Variants in ZNF410 observed in about 807,000 individuals in gnomAD.
ZNF410 encodes the protein another partner for ARF 1.
A neutral mutation model predicts 54.8 loss-of-function variants in ZNF410; 18 were observed. The observed-to-expected ratio is 0.33, with a 90% confidence interval of 0.23 to 0.49. The LOEUF (loss-of-function observed/expected upper bound fraction) is 0.49, where lower values mean the gene tolerates loss of function less well. ZNF410 is among the 20% of genes least tolerant of loss of function. ZNF410 has a pLI of 0.99. For synonymous variants in ZNF410, 191 were observed against 207.3 expected (o/e 0.92, Z 0.68); for missense variants, 405 against 569.6 (o/e 0.71, Z 2.94).
intron 11 of ZNF410, 82 bp from the exon 12 acceptor site, chr14:73,931,421 A>G: frequency 1.6e-6 from 2 of 1,268,978 alleles, no homozygotes; most frequent in Non-Finnish European, 2.2e-6. Flanking sequence ...TCCATCCTCC[A>G]CTCTTAATAC....
At chr14:73,888,862 A>AT (rs2055182286) in intron 1 of ZNF410, among the ~76,000 whole-genome samples, 1 of 152,166 alleles carries the variant, frequency 6.6e-6, no homozygotes, top group Admixed American at 6.5e-5. Context: ...GCATCCTGCT[A>AT]TTTTTTATTT....
In ZNF410 at chr14:73,892,279, G is replaced by T. The variant is rs536842890; in HGVS notation, c.33+71G>T. 5.9e-6 allele frequency: 9 copies of T among 1,523,066 alleles called. No homozygotes were observed. The Admixed American group carries it at 6.3e-5, about 11-fold the overall frequency. The allele number at this position is 1,523,066 out of a possible 1,614,324, so 94.3% of individuals were successfully genotyped here. ...TCAAAGTTTATCTTCAGTTTAGGGGGTCAGCAAACTTTTTCTTTAATGGGC... is the reference window on the plus strand; with the variant it reads ...TCAAAGTTTATCTTCAGTTTAGGGGTTCAGCAAACTTTTTCTTTAATGGGC... On this transcript the variant is annotated intron_variant, in intron 2 of 11. Transcript: ENST00000555044.
rs933156803 is a variant in ZNF410 at position 73,926,714 on chromosome 14, C to T, written c.1398+3192C>T. 1.9e-4 allele frequency among the ~76,000 whole-genome samples: 29 copies of T among 150,120 alleles called. 1 individual carries two copies. The highest frequency in any genetic ancestry group is 1.1e-3 in the Admixed American group (17 of 14,794). ...CCTCCCAAAGTGCTGGGATTACAGGCGTGAGCCACTGCGCCCGGCCAGGAA... is the reference window on the plus strand; with the variant it reads ...CCTCCCAAAGTGCTGGGATTACAGGTGTGAGCCACTGCGCCCGGCCAGGAA... On this transcript the variant is annotated intron_variant, in intron 11 of 11. Transcript: ENST00000555044.
chr14:73,899,709 C>T (rs867074468), intron 5 of ZNF410, among the ~76,000 whole-genome samples: 7 of 152,152 alleles, frequency 4.6e-5, no homozygotes, highest in Middle Eastern at 3.2e-3. Flanking sequence ...AGTTTAACCT[C>T]CCTTAGCTTC....
chr14:73,917,541 G>A (rs183595132), intron 8 of ZNF410, among the ~76,000 whole-genome samples: 1 of 152,088 alleles, frequency 6.6e-6, no homozygotes, highest in Non-Finnish European at 1.5e-5. Flanking sequence ...TGTGCAGTCC[G>A]GCCGGGCATG....
At position 73,896,453 on chromosome 14, in the gene ZNF410, A is replaced by G. The variant is rs752472569; in HGVS notation, c.307A>G (p.Thr103Ala). Residue 103 changes from threonine (T) to alanine (A), a missense_variant, in exon 4 of 12, where the codon ACT (threonine) becomes GCT (alanine). Physicochemically the swap from Thr to Ala is moderately conservative, Grantham distance 58 (BLOSUM62 0). Coordinates refer to ENST00000555044, the MANE Select transcript of ZNF410 (RefSeq NM_021188.3). ...TVQKSPEFLSTSESSSLLQDL... is the reference protein window; with the variant it reads ...TVQKSPEFLSASESSSLLQDL... ...ACAGAAATCCCCGGAGTTTTTGTCC[A>G]CTTCAGAGTCTTCTAGCTTGTTGCA... 1.6e-5 allele frequency: 26 copies of G among 1,614,046 alleles called. No homozygotes were observed. The highest frequency in any genetic ancestry group is 9.9e-5 in the South Asian group (9 of 91,086).
At chr14:73,906,914 A>G (rs2055499016) in intron 7 of ZNF410, among the ~76,000 whole-genome samples, 1 of 151,730 alleles carries the variant, frequency 6.6e-6, no homozygotes, top group Non-Finnish European at 1.5e-5. Flanking sequence ...TCTTTTACTC[A>G]GTGTACTCTC....
chr14:73,891,390 G>C (rs148495437), intron 1 of ZNF410, among the ~76,000 whole-genome samples: 2 of 152,234 alleles, frequency 1.3e-5, no homozygotes, highest in African/African-American at 4.8e-5. Context: ...GTCTTGCTCT[G>C]TCGCCCAGGC....
intron 11 of ZNF410, among the ~76,000 whole-genome samples, chr14:73,924,505 G>A (rs1424150048): frequency 6.6e-6 from 1 of 152,192 alleles, no homozygotes; most frequent in Non-Finnish European, 1.5e-5. Flanking sequence ...AGAATGCAAA[G>A]TGGTCAGTGT....
At chr14:73,925,689 A>G (rs1434463857) in intron 11 of ZNF410, among the ~76,000 whole-genome samples, 1 of 152,060 alleles carries the variant, frequency 6.6e-6, no homozygotes, top group East Asian at 1.9e-4. Flanking sequence ...CAGCCTCCCA[A>G]AGTGCTGGGA....
Position 73,904,025 on chromosome 14 carries a change from G to A in ZNF410, c.646G>A (p.Glu216Lys). Residue 216 changes from glutamate to lysine, a missense_variant, in exon 6 of 12, where the codon GAA (glutamate) becomes AAA (lysine). Glu to Lys is a moderately conservative substitution (Grantham distance 56). This residue lies in a region of ZNF410 where 247 missense variants were observed against 342.8 expected (regional missense o/e 0.72). Coordinates refer to ENST00000555044, the MANE Select transcript of ZNF410 (RefSeq NM_021188.3). Reference protein sequence around the residue: ...SKDSGPLPQVEKKLKCTVEGC... With the variant: ...SKDSGPLPQVKKKLKCTVEGC... ...AGATTCTGGGCCCCTTCCTCAAGTG[G>A]AAAAGAAGCTCAAGTGTACAGTTGA... The A allele has an allele frequency of 6.2e-7, 1 of 1,614,174 alleles. No homozygotes were observed. Among genetic ancestry groups the A allele is most frequent in the Non-Finnish European group, 8.5e-7 (1 of 1,180,044 alleles).
Position 73,931,609 on chromosome 14 carries a change from G to A in ZNF410, c.*68G>A. On this transcript the variant is annotated 3_prime_UTR_variant, in exon 12 of 12. Transcript: ENST00000555044. ...AAAATGCGTATACTGGGAACAGGATGCCTTAGCCCACAACAGAACCAGAAT... is the reference window on the plus strand; with the variant it reads ...AAAATGCGTATACTGGGAACAGGATACCTTAGCCCACAACAGAACCAGAAT... 2 of 1,441,248 alleles carry A rather than the reference G, an allele frequency of 1.4e-6. 1 individual carries two copies. The highest frequency in any genetic ancestry group is 2.3e-5 in the South Asian group (2 of 85,904). The allele number at this position is 1,441,248 out of a possible 1,614,324, so 89.3% of individuals were successfully genotyped here.
chr14:73,919,027 T>G (rs1328610108), intron 8 of ZNF410, among the ~76,000 whole-genome samples: 5 of 100,554 alleles, frequency 5.0e-5, no homozygotes, highest in Non-Finnish European at 9.3e-5. Context: ...TTTTTTTTTT[T>G]GACAGAGTCT....
chr14:73,898,962 G>A (rs1166108359), intron 5 of ZNF410, among the ~76,000 whole-genome samples: 7 of 152,148 alleles, frequency 4.6e-5, no homozygotes, highest in Non-Finnish European at 8.8e-5. Context: ...TGAGAACCAC[G>A]GCTCTATTCA....
At chr14:73,917,944 G>A (rs2055692905) in intron 8 of ZNF410, among the ~76,000 whole-genome samples, 1 of 152,108 alleles carries the variant, frequency 6.6e-6, no homozygotes, top group Non-Finnish European at 1.5e-5. Flanking sequence ...AAATACTCAA[G>A]TCTCTTACAT....
chr14:73,893,822 C>T lies in ZNF410; in HGVS notation c.59C>T (p.Thr20Met), dbSNP rs772485453. 12 of 1,612,830 alleles carry T rather than the reference C, an allele frequency of 7.4e-6. No individual in the cohort carries two copies. Among genetic ancestry groups the T allele is most frequent in the South Asian group, 3.3e-5 (3 of 90,742 alleles). Residue 20 changes from threonine to methionine, a missense_variant, in exon 3 of 12, where the codon ACG becomes ATG. By Grantham distance (81) the Thr-to-Met change is moderately conservative. This residue lies in a region of ZNF410 where 247 missense variants were observed against 342.8 expected (regional missense o/e 0.72). Transcript: ENST00000555044. ...CTCCTGGTACAGTTTGTTCAGAATA[C>T]GTCCATCCCATTGGGACAGGGGCTT... The part of the protein sequence containing the change: ...PELLVQFVQN[T>M]SIPLGQGLVE...
chr14:73,930,771 A>T (rs1443798050), intron 11 of ZNF410, among the ~76,000 whole-genome samples: 1 of 151,934 alleles, frequency 6.6e-6, no homozygotes. Flanking sequence ...CTTAATTTTT[A>T]AAATTTTCTT....
At chr14:73,894,045 A>C in intron 3 of ZNF410, 113 bp downstream of exon 3, 1 of 1,379,246 alleles carries the variant, frequency 7.3e-7, no homozygotes, top group South Asian at 1.4e-5. Context: ...GAAACTGTAA[A>C]AATTAGGAGT....
At chr14:73,893,423 T>G (rs1171820885) in intron 2 of ZNF410, 1 of 166,136 alleles carries the variant, frequency 6.0e-6, no homozygotes, top group African/African-American at 2.4e-5. Flanking sequence ...GCCCCTAGGC[T>G]GCAAACCTAT....
Sources: gnomAD v4.1 joint callset for allele counts (sites outside exome capture counted in the v4.1 genomes callset) on GRCh38, gnomAD v4.1.1 for gene constraint, gnomAD v4.1.1 regional missense constraint, MANE v1.5 for transcripts, NCBI Gene and HGNC (gene_info 2026-07-23, HGNC 2026-07-21) for gene names.